DHDDS: variants seen among roughly 807,000 people sequenced by gnomAD.
DHDDS encodes dehydrodolichyl diphosphate synthase complex subunit DHDDS.
A neutral mutation model predicts 46.2 loss-of-function variants in DHDDS; 16 were observed. That is an observed-to-expected ratio of 0.35 (90% CI 0.23 to 0.53). The LOEUF (loss-of-function observed/expected upper bound fraction) is 0.53. Among genes scored for constraint, DHDDS ranks in the 20% least tolerant of loss-of-function variants. The pLI, the probability that DHDDS is intolerant of heterozygous loss-of-function variation, is 0.94. For synonymous variants in DHDDS, 151 were observed against 163.1 expected, an observed-to-expected ratio of 0.93 and a Z score of 0.56; for missense variants, 340 against 423.7, an observed-to-expected ratio of 0.80 and a Z score of 1.73.
At chr1:26,457,469 C>CAAATA (rs1553122882) in intron 6 of DHDDS, among the ~76,000 whole-genome samples, 1 of 142,500 alleles carries the variant, frequency 7.0e-6, no homozygotes, top group Admixed American at 7.3e-5. Flanking sequence ...GACTCTATCT[C>CAAATA]AAATAAATAA....
At chr1:26,457,992 C>A in intron 7 of DHDDS, 87 bp downstream of exon 7, 2 of 1,156,462 alleles carry the variant, frequency 1.7e-6, no homozygotes, top group South Asian at 1.2e-5. Context: ...CATCCCCACT[C>A]CCAAACAGGC....
chr1:26,438,631 G>A, intron 3 of DHDDS: 1 of 320,204 alleles, frequency 3.1e-6, no homozygotes, highest in Non-Finnish European at 6.1e-6. Flanking sequence ...AGGCTGAGGT[G>A]GGAGGACTAT....
chr1:26,457,689 A>G (rs529474588), intron 6 of DHDDS, 102 bp from the exon 7 acceptor site: 14 of 872,104 alleles, frequency 1.6e-5, no homozygotes, highest in Non-Finnish European at 2.3e-5. Context: ...ATGGTATTGT[A>G]TAAACTGAGA....
intron 2 of DHDDS, among the ~76,000 whole-genome samples, chr1:26,433,752 T>C (rs1232533491): frequency 6.6e-6 from 1 of 152,114 alleles, no homozygotes; most frequent in East Asian, 1.9e-4. Flanking sequence ...TTTTTTTATT[T>C]TGAGATGGAG....
chr1:26,459,867 G>A (rs2075405089), intron 7 of DHDDS, among the ~76,000 whole-genome samples, 170 bp from the exon 8 acceptor site: 1 of 152,206 alleles, frequency 6.6e-6, no homozygotes. Flanking sequence ...CCCCCTACTA[G>A]TGAATGAATC....
chr1:26,455,418 G>A (rs1189354384), intron 6 of DHDDS, among the ~76,000 whole-genome samples: 1 of 152,252 alleles, frequency 6.6e-6, no homozygotes, highest in South Asian at 2.1e-4. Context: ...GGAAAAGAAA[G>A]CTCTCTCTGT....
intron 8 of DHDDS, among the ~76,000 whole-genome samples, chr1:26,462,066 T>TG: frequency 6.6e-6 from 1 of 151,396 alleles, no homozygotes; most frequent in African/African-American, 2.4e-5. Flanking sequence ...TTTTTTGTTT[T>TG]TTTTTTTTTT....
chr1:26,469,616 T>G lies in DHDDS; in HGVS notation c.*485T>G. On this transcript the variant is annotated 3_prime_UTR_variant, in exon 9 of 9. Coordinates refer to ENST00000236342, the MANE Select transcript of DHDDS (RefSeq NM_205861.3). ...GTTATTTGGGTAAGGAAAAAAGGGG[T>G]GGGAGAGACAGAAAATTTGCCCATC... is the stretch of plus-strand genomic sequence containing the variant. The G allele has an allele frequency of 4.3e-6, 1 of 233,290 alleles. No homozygotes were observed. The highest frequency in any genetic ancestry group is 8.7e-6 in the Non-Finnish European group (1 of 114,724). The allele number at this position is 233,290 out of a possible 1,614,324, so 14.5% of individuals were successfully genotyped here.
chr1:26,460,526 A>G (rs1039811819), intron 8 of DHDDS, among the ~76,000 whole-genome samples: 1 of 152,250 alleles, frequency 6.6e-6, no homozygotes, highest in Non-Finnish European at 1.5e-5. Context: ...CCTTTAAAGT[A>G]TTACCCTAAT....
At chr1:26,462,730 A>G (rs1481899419) in intron 8 of DHDDS, 1 of 152,154 alleles carries the variant, frequency 6.6e-6, no homozygotes, top group Non-Finnish European at 1.5e-5. Context: ...TACTTTGCAT[A>G]TGGTTGTCAG....
chr1:26,455,932 T>C (rs2075366304), intron 6 of DHDDS, among the ~76,000 whole-genome samples: 1 of 152,222 alleles, frequency 6.6e-6, no homozygotes, highest in Admixed American at 6.5e-5. Flanking sequence ...TTCTGAATTC[T>C]GCTTCTGGGT....
At chr1:26,461,065 T>A in intron 8 of DHDDS, among the ~76,000 whole-genome samples, 1 of 152,000 alleles carries the variant, frequency 6.6e-6, no homozygotes, top group East Asian at 1.9e-4. Context: ...GTAGAGACAG[T>A]GTTTCACCAT....
In DHDDS at chr1:26,470,127, G is replaced by C. The variant is rs551640127; in HGVS notation, c.*996G>C. The C allele has an allele frequency of 5.3e-5, 8 of 152,290 alleles. No homozygotes were observed. The East Asian group carries it at 5.8e-4, about 11-fold the overall frequency. The allele number at this position is 152,290 out of a possible 1,614,324, so 9.4% of individuals were successfully genotyped here. On this transcript the variant is annotated 3_prime_UTR_variant, in exon 9 of 9. Coordinates refer to ENST00000236342, the MANE Select transcript of DHDDS (RefSeq NM_205861.3). ...AAAGCTTGTTCTAGGTCCTCTGCTT[G>C]TGAGGGTCAAAGCTGTGTCCTTTCC...
chr1:26,443,388 C>A (rs760319364), intron 4 of DHDDS, among the ~76,000 whole-genome samples: 4 of 152,154 alleles, frequency 2.6e-5, no homozygotes, highest in Non-Finnish European at 5.9e-5. Context: ...TTACTGTACT[C>A]CCCCTGCATA....
chr1:26,464,279 C>T (rs759311716), intron 8 of DHDDS, among the ~76,000 whole-genome samples: 34 of 152,100 alleles, frequency 2.2e-4, no homozygotes, highest in Non-Finnish European at 3.5e-4. Context: ...AGGCATGAGC[C>T]GCTGCGCCCG....
intron 6 of DHDDS, among the ~76,000 whole-genome samples, chr1:26,451,287 CA>C (rs1310150146): frequency 6.6e-6 from 1 of 152,120 alleles, no homozygotes; most frequent in Non-Finnish European, 1.5e-5. Flanking sequence ...GCATTTATAA[CA>C]AAGTCAGTGC....
intron 4 of DHDDS, among the ~76,000 whole-genome samples, chr1:26,445,967 G>T (rs7522551): frequency 0.31 from 46,817 of 151,838 alleles, 8,482 homozygotes; most frequent in East Asian, 0.72. Context: ...AGGTTGCAGT[G>T]AGCTGAGATT....
intron 8 of DHDDS, among the ~76,000 whole-genome samples, chr1:26,461,124 T>C (rs1387703434): frequency 2.0e-5 from 3 of 152,190 alleles, no homozygotes; most frequent in Non-Finnish European, 4.4e-5. Flanking sequence ...TCCGCCCACC[T>C]TGGCCTCCCA....
intron 6 of DHDDS, chr1:26,454,567 G>A: frequency 1.4e-6 from 1 of 691,310 alleles, no homozygotes; most frequent in Admixed American, 2.5e-5. Context: ...TAACCTATAA[G>A]GTGGATAGGA....
Sources: gnomAD v4.1 joint callset for allele counts (sites outside exome capture counted in the v4.1 genomes callset) on GRCh38, gnomAD v4.1.1 for gene constraint, MANE v1.5 for transcripts, NCBI Gene and HGNC (gene_info 2026-07-23, HGNC 2026-07-21) for gene names.